The following ST3GAL5 variants were observed in gnomAD, a reference collection of about 807,000 sequenced individuals.
ST3GAL5 encodes lactosylceramide alpha-2,3-sialyltransferase.
Under a neutral mutation model 46.1 loss-of-function variants are expected in ST3GAL5, and 25 were observed. That is an observed-to-expected ratio of 0.54 (90% confidence interval 0.40 to 0.76). ST3GAL5 has a LOEUF of 0.76. Among genes scored for constraint, ST3GAL5 ranks in the 30% least tolerant of loss-of-function variants. The probability of loss-of-function intolerance (pLI) is 0.00; values close to 1 mark genes in which losing one functional copy is unlikely to be tolerated. For synonymous variants in ST3GAL5, 182 were observed against 192.7 expected, an observed-to-expected ratio of 0.94 and a Z score of 0.46; for missense variants, 431 against 521.2, an observed-to-expected ratio of 0.83 and a Z score of 1.69.
chr2:85,843,377 A>G (rs1371069544), intron 6 of ST3GAL5, among the ~76,000 whole-genome samples: 3 of 152,228 alleles, frequency 2.0e-5, no homozygotes, highest in Non-Finnish European at 4.4e-5. Context: ...TGATCATTCT[A>G]CCTACATTCC....
At chr2:85,847,659 G>A (rs527927064) in intron 4 of ST3GAL5, 8 of 1,321,334 alleles carry the variant, frequency 6.1e-6, no homozygotes, top group Admixed American at 3.0e-5. Flanking sequence ...TTAGCCACGC[G>A]TGGTGTGTGC....
chr2:85,844,314 G>A, intron 6 of ST3GAL5, 82 bp downstream of exon 6: 1 of 1,580,436 alleles, frequency 6.3e-7, no homozygotes, highest in Non-Finnish European at 8.7e-7. Context: ...ATGCTTCTGG[G>A]TATACAGTTG....
rs151179819 is a variant in ST3GAL5 at position 85,841,006 on chromosome 2, A to G, written c.1009-614T>C. Reference sequence around the variant, plus strand: ...AATGTCTACCCCACTGGTCCTTCCTATATGTGATGCCCAGAATCATTAAAA... The same window carrying G: ...AATGTCTACCCCACTGGTCCTTCCTGTATGTGATGCCCAGAATCATTAAAA... On this transcript the variant is annotated intron_variant, in intron 6 of 6. Coordinates refer to ENST00000638572, the MANE Select transcript of ST3GAL5 (RefSeq NM_003896.4). 3.3e-3 allele frequency among the ~76,000 whole-genome samples: 487 copies of G among 146,882 alleles called. 2 individuals carry two copies. Among genetic ancestry groups the G allele is most frequent in the African/African-American group, 0.012 (468 of 39,920 alleles).
At chr2:85,850,911 CTTTTT>C (rs201525823) in intron 3 of ST3GAL5, 3 of 139,078 alleles carry the variant, frequency 2.2e-5, no homozygotes, top group Non-Finnish European at 4.8e-5. Flanking sequence ...TAATTTTCTT[CTTTTT>C]TTTTCTTTTT....
intron 1 of ST3GAL5, among the ~76,000 whole-genome samples, chr2:85,878,065 A>G (rs1339604430): frequency 6.6e-6 from 1 of 152,108 alleles, no homozygotes; most frequent in East Asian, 1.9e-4. Flanking sequence ...CCTCACACCA[A>G]TGCCTGATTT....
chr2:85,846,197 C>T lies in ST3GAL5; in HGVS notation c.849+180G>A, dbSNP rs575556500. 4.7e-6 allele frequency: 3 copies of T among 633,084 alleles called. No homozygotes were observed. The South Asian group carries it at 5.9e-5, about 12-fold the overall frequency. The allele number at this position is 633,084 out of a possible 1,614,324, so 39.2% of individuals were successfully genotyped here. ...CTAGCCTGGACAACAGAATGAGACTCCATCCCCAAAAAAAAGAATTGCTGA... is the reference window on the plus strand; with the variant it reads ...CTAGCCTGGACAACAGAATGAGACTTCATCCCCAAAAAAAAGAATTGCTGA... On this transcript the variant is annotated intron_variant, in intron 5 of 6. Coordinates refer to ENST00000638572, the MANE Select transcript of ST3GAL5 (RefSeq NM_003896.4).
intron 5 of ST3GAL5, chr2:85,844,857 AG>A: frequency 2.3e-6 from 1 of 438,184 alleles, no homozygotes. Flanking sequence ...TGTCTAGGGA[AG>A]CCCAAGTGAA....
chr2:85,840,006 T>G lies in ST3GAL5; in HGVS notation c.*138A>C, dbSNP rs1681818439. On this transcript the variant is annotated 3_prime_UTR_variant, in exon 7 of 7. Transcript: ENST00000638572. ...AAAAAAAGTGGGAAGAGCTAAAATT[T>G]TTTTTGTGTTTTTAAATTAAAAGTT... 6 of 1,373,514 alleles carry G rather than the reference T, an allele frequency of 4.4e-6. No individual in the cohort carries two copies. The highest frequency in any genetic ancestry group is 5.9e-6 in the Non-Finnish European group (6 of 1,011,216). 85.1% of individuals were successfully genotyped at this position (1,373,514 alleles called of 1,614,324 possible).
At chr2:85,863,923 G>A (rs1400126317) in intron 1 of ST3GAL5, among the ~76,000 whole-genome samples, 1 of 152,112 alleles carries the variant, frequency 6.6e-6, no homozygotes, top group Non-Finnish European at 1.5e-5. Flanking sequence ...AGTCAGGCTG[G>A]TGTCGAACTC....
chr2:85,888,729 C>T (rs1688054528), intron 1 of ST3GAL5, 95 bp downstream of exon 1: 3 of 1,011,096 alleles, frequency 3.0e-6, no homozygotes. Flanking sequence ...GAGGCGGAAA[C>T]GCCGCGCCCA....
chr2:85,883,077 T>C (rs972801272), intron 1 of ST3GAL5, among the ~76,000 whole-genome samples: 6 of 152,102 alleles, frequency 3.9e-5, no homozygotes, highest in East Asian at 1.9e-4. Context: ...TGGGTGAGTG[T>C]TGAGAAGGCA....
intron 1 of ST3GAL5, among the ~76,000 whole-genome samples, chr2:85,867,265 G>A (rs908245505): frequency 2.0e-5 from 3 of 152,240 alleles, no homozygotes; most frequent in Non-Finnish European, 4.4e-5. Context: ...GACAGCATCA[G>A]TGTAACCTGG....
At position 85,888,977 on chromosome 2, in the gene ST3GAL5, G is replaced by T. The variant is rs1252017833; in HGVS notation, c.-72C>A. 8.5e-7 allele frequency: 1 copy of T among 1,176,660 alleles called. No homozygotes were observed. The highest frequency in any genetic ancestry group is 1.6e-5 in the African/African-American group (1 of 61,664). 72.9% of individuals were successfully genotyped at this position (1,176,660 alleles called of 1,614,324 possible). On this transcript the variant is annotated 5_prime_UTR_variant, in exon 1 of 7. Coordinates refer to ENST00000638572, the MANE Select transcript of ST3GAL5 (RefSeq NM_003896.4). ...CCCACCCGCCCCCAGCGCCGCTCTC[G>T]CGCCCATTCAGCTGGGGGCCGCCGC...
At chr2:85,859,362 A>G (rs1001637587) in intron 3 of ST3GAL5, among the ~76,000 whole-genome samples, 4 of 152,228 alleles carry the variant, frequency 2.6e-5, no homozygotes, top group Non-Finnish European at 1.5e-5. Flanking sequence ...GAAGACAAAA[A>G]CAGAGACAGG....
intron 5 of ST3GAL5, chr2:85,844,950 G>C: frequency 3.6e-6 from 1 of 275,062 alleles, no homozygotes. Flanking sequence ...CTAGTCCCAT[G>C]AAGTCGTTTC....
intron 1 of ST3GAL5, among the ~76,000 whole-genome samples, chr2:85,879,232 A>C (rs955133826): frequency 2.0e-5 from 3 of 152,080 alleles, no homozygotes; most frequent in African/African-American, 7.2e-5. Flanking sequence ...GTGGCCAACC[A>C]AGAGATGTGG....
rs555466537 is a variant in ST3GAL5, at chr2:85,848,064, T to C, written c.459A>G (p.Glu153=). The C allele has an allele frequency of 2.1e-5, 34 of 1,614,198 alleles. No homozygotes were observed. In the African/African-American group the frequency reaches 3.3e-4, roughly 16 times the overall value. The change falls in exon 4 of 7, where the codon GAA becomes GAG. Residue 153 remains glutamate, a synonymous_variant. Transcript: ENST00000638572. Reference sequence around the variant, plus strand: ...AAGGAGGATCGTACTTGGACTCAGCTTCACTGTCTTTGGGGGCCTTCTGCA... The same window carrying C: ...AAGGAGGATCGTACTTGGACTCAGCCTCACTGTCTTTGGGGGCCTTCTGCA... ...PFVQKAPKDS[E]AESKYDPPFG...
At chr2:85,844,634 G>A in intron 5 of ST3GAL5, 80 bp from the exon 6 acceptor site, 2 of 1,591,588 alleles carry the variant, frequency 1.3e-6, no homozygotes, top group Non-Finnish European at 1.7e-6. Flanking sequence ...GACCAAGGCT[G>A]TGGGTGTGAC....
intron 1 of ST3GAL5, chr2:85,870,177 C>T (rs949258210): frequency 1.7e-5 from 8 of 469,990 alleles, no homozygotes; most frequent in African/African-American, 1.0e-4. Context: ...TTGAATTACA[C>T]GTTTGTCTTG....
Sources: allele counts gnomAD v4.1 joint callset (sites outside exome capture counted in the v4.1 genomes callset), GRCh38; gene constraint gnomAD v4.1.1; transcripts MANE v1.5; gene names NCBI Gene and HGNC (gene_info 2026-07-23, HGNC 2026-07-21).